HS6ST3: variants seen among roughly 807,000 people sequenced by gnomAD.
The protein encoded by HS6ST3 is heparan sulfate 6-O-sulfotransferase 3.
HS6ST3 carries 12 observed loss-of-function variants against 36.7 expected under a neutral mutation model. That is an observed-to-expected ratio of 0.33 (90% CI 0.21 to 0.53). The LOEUF is 0.53. Ranked by LOEUF, HS6ST3 falls within the 20% of genes least tolerant of loss-of-function variation. HS6ST3 has a pLI of 0.95. For missense variants in HS6ST3, 584 were observed against 640.9 expected, an observed-to-expected ratio of 0.91 and a Z score of 0.96; for synonymous variants, 240 against 257.5, an observed-to-expected ratio of 0.93 and a Z score of 0.65.
intron 1 of HS6ST3, among the ~76,000 whole-genome samples, chr13:96,569,410 C>T (rs957665535): frequency 1.3e-5 from 2 of 152,120 alleles, no homozygotes; most frequent in African/African-American, 2.4e-5. Flanking sequence ...CCAAGGATAG[C>T]AGAGCAGAGA....
intron 1 of HS6ST3, among the ~76,000 whole-genome samples, chr13:96,454,715 A>G (rs1354137187): frequency 6.6e-6 from 1 of 151,986 alleles, no homozygotes; most frequent in East Asian, 1.9e-4. Flanking sequence ...ACTGTGAGTC[A>G]CTATAGACAG....
chr13:96,151,936 A>G (rs1373377883), intron 1 of HS6ST3, among the ~76,000 whole-genome samples: 1 of 152,194 alleles, frequency 6.6e-6, no homozygotes, highest in East Asian at 1.9e-4. Flanking sequence ...CTAATTCAGT[A>G]TAACCTTGCT....
intron 1 of HS6ST3, among the ~76,000 whole-genome samples, chr13:96,674,957 T>A (rs999567664): frequency 3.9e-5 from 6 of 152,306 alleles, no homozygotes; most frequent in African/African-American, 1.4e-4. Flanking sequence ...GAGAGATAAA[T>A]GCATGGCTTT....
At chr13:96,540,969 T>C (rs2056175157) in intron 1 of HS6ST3, among the ~76,000 whole-genome samples, 1 of 152,192 alleles carries the variant, frequency 6.6e-6, no homozygotes, top group African/African-American at 2.4e-5. Context: ...AGAGCTCTGT[T>C]ATACAAAGCC....
chr13:96,128,853 G>C (rs2053963519), intron 1 of HS6ST3, among the ~76,000 whole-genome samples: 1 of 148,986 alleles, frequency 6.7e-6, no homozygotes, highest in African/African-American at 2.5e-5. Context: ...TTTCCCCTGT[G>C]CTTTTTTTTT....
chr13:96,135,888 T>TCCAC (rs1227798471), intron 1 of HS6ST3, among the ~76,000 whole-genome samples: 3 of 152,110 alleles, frequency 2.0e-5, no homozygotes, highest in African/African-American at 7.2e-5. Context: ...ACTGAGCACC[T>TCCAC]CCACCCCCAC....
At chr13:96,473,405 C>T (rs894424226) in intron 1 of HS6ST3, among the ~76,000 whole-genome samples, 7 of 152,188 alleles carry the variant, frequency 4.6e-5, no homozygotes, top group South Asian at 2.1e-4. Context: ...TGACACATCA[C>T]GGTAAATAAC....
chr13:96,358,211 T>G (rs551943596), intron 1 of HS6ST3, among the ~76,000 whole-genome samples: 43 of 152,330 alleles, frequency 2.8e-4, no homozygotes, highest in African/African-American at 1.0e-3. Context: ...TACAGCATTG[T>G]AATCCATTTT....
At chr13:96,760,860 C>T (rs997378616) in intron 1 of HS6ST3, among the ~76,000 whole-genome samples, 9 of 151,904 alleles carry the variant, frequency 5.9e-5, no homozygotes, top group South Asian at 4.1e-4. Context: ...GTAAAATTAG[C>T]GAGTTTTTGT....
At chr13:96,319,962 TG>T (rs1256468777) in intron 1 of HS6ST3, among the ~76,000 whole-genome samples, 1 of 152,210 alleles carries the variant, frequency 6.6e-6, no homozygotes, top group East Asian at 1.9e-4. Context: ...TATGAGTCTG[TG>T]GTTTGGGCTT....
At chr13:96,346,000 C>G (rs1314825198) in intron 1 of HS6ST3, among the ~76,000 whole-genome samples, 1 of 152,108 alleles carries the variant, frequency 6.6e-6, no homozygotes, top group African/African-American at 2.4e-5. Flanking sequence ...AGCCTAGATC[C>G]CTAACATGTG....
chr13:96,733,334 C>G (rs940631956), intron 1 of HS6ST3, among the ~76,000 whole-genome samples: 10 of 152,206 alleles, frequency 6.6e-5, no homozygotes, highest in South Asian at 2.1e-4. Context: ...AGAGTTTATA[C>G]CATAAAAGAA....
At chr13:96,301,612 C>T (rs983364286) in intron 1 of HS6ST3, among the ~76,000 whole-genome samples, 1 of 152,098 alleles carries the variant, frequency 6.6e-6, no homozygotes, top group African/African-American at 2.4e-5. Flanking sequence ...AATTTTCTGG[C>T]CGGGTGCGGG....
chr13:96,230,825 G>A (rs1168579866), intron 1 of HS6ST3, among the ~76,000 whole-genome samples: 7 of 152,170 alleles, frequency 4.6e-5, no homozygotes, highest in Admixed American at 3.3e-4. Context: ...AAGACAGATG[G>A]TTCATGATAT....
intron 1 of HS6ST3, among the ~76,000 whole-genome samples, chr13:96,809,279 T>A (rs1878265953): frequency 6.6e-6 from 1 of 152,208 alleles, no homozygotes; most frequent in African/African-American, 2.4e-5. Context: ...AGAATTATGT[T>A]TGGCAGATTT....
chr13:96,135,555 G>T (rs2053997574), intron 1 of HS6ST3, among the ~76,000 whole-genome samples: 2 of 152,174 alleles, frequency 1.3e-5, no homozygotes. Flanking sequence ...GCTAACTAGG[G>T]CAGAACTAGA....
chr13:96,433,809 C>T (rs542293186), intron 1 of HS6ST3, among the ~76,000 whole-genome samples: 7 of 152,232 alleles, frequency 4.6e-5, no homozygotes, highest in East Asian at 1.9e-4. Flanking sequence ...GTGGCAGGCA[C>T]GTGTAATACC....
chr13:96,812,121 G>A (rs1878327967), intron 1 of HS6ST3, among the ~76,000 whole-genome samples: 1 of 152,136 alleles, frequency 6.6e-6, no homozygotes, highest in Non-Finnish European at 1.5e-5. Flanking sequence ...AAAGAACTCA[G>A]CCCCTTTTCC....
intron 1 of HS6ST3, among the ~76,000 whole-genome samples, chr13:96,720,256 A>G (rs750417994): frequency 3.3e-5 from 5 of 152,202 alleles, no homozygotes; most frequent in Non-Finnish European, 5.9e-5. Flanking sequence ...AATAGATTAT[A>G]AGCTCTACAA....
Sources: gnomAD v4.1 joint callset for allele counts (sites outside exome capture counted in the v4.1 genomes callset) on GRCh38, gnomAD v4.1.1 for gene constraint, MANE v1.5 for transcripts, NCBI Gene and HGNC (gene_info 2026-07-23, HGNC 2026-07-21) for gene names.